The following GSAP variants were observed in gnomAD, a reference collection of about 807,000 sequenced individuals.
GSAP encodes gamma-secretase-activating protein.
In GSAP, 118 loss-of-function variants were observed where a neutral mutation model predicts 131.7. The observed-to-expected ratio is 0.90, with a 90% CI of 0.77 to 1.04. The LOEUF is 1.04. GSAP is among the 50% of genes least tolerant of loss of function. GSAP has a pLI of 0.00. For synonymous variants in GSAP, 381 were observed against 363.4 expected (o/e 1.05, Z -0.55); for missense variants, 1,019 against 1,013.2 (o/e 1.01, Z -0.08).
chr7:77,313,438 G>T (rs1268346951), intron 28 of GSAP, 50 bp downstream of exon 28: 2 of 894,934 alleles, frequency 2.2e-6, no homozygotes, highest in Non-Finnish European at 3.6e-6. Flanking sequence ...GAAATTGAAG[G>T]AGGGTAATGC....
intron 6 of GSAP, among the ~76,000 whole-genome samples, chr7:77,387,026 A>T (rs767728472): frequency 9.2e-5 from 14 of 152,244 alleles, no homozygotes; most frequent in Non-Finnish European, 1.5e-4. Context: ...AAATTCAGGG[A>T]TTAAGCCATT....
At chr7:77,366,060 C>G (rs200354655) in intron 12 of GSAP, among the ~76,000 whole-genome samples, 1 of 152,004 alleles carries the variant, frequency 6.6e-6, no homozygotes, top group African/African-American at 2.4e-5. Flanking sequence ...AGTATCTGTT[C>G]ATGTCCTTTG....
At chr7:77,376,663 G>C (rs530332155) in intron 10 of GSAP, among the ~76,000 whole-genome samples, 185 bp downstream of exon 10, 1 of 151,574 alleles carries the variant, frequency 6.6e-6, no homozygotes, top group South Asian at 2.1e-4. Context: ...TGTAGTCCTA[G>C]CTACTCAGGA....
rs1218643983 is a variant in GSAP, at chr7:77,313,482, TA to T, written c.2271+5del. 6.8e-7 allele frequency: 1 copy of T among 1,477,430 alleles called. No individual in the cohort carries two copies. Among genetic ancestry groups the T allele is most frequent in the South Asian group, 1.1e-5 (1 of 87,380 alleles). The allele number at this position is 1,477,430 out of a possible 1,614,324, so 91.5% of individuals were successfully genotyped here. A position where few individuals can be genotyped will look rare whatever the true frequency, so the allele number is the denominator to read the frequency against. ...AGGGAGAAAATAAAATGTAACTCAG[TA>T]TTACCGGAGGAAGCCGCACAATGAT... On this transcript the variant is annotated splice_donor_5th_base_variant and intron_variant, in intron 28 of 30. Transcript: ENST00000257626.
intron 19 of GSAP, among the ~76,000 whole-genome samples, chr7:77,332,779 G>T (rs1417808066): frequency 6.6e-6 from 1 of 152,058 alleles, no homozygotes; most frequent in Non-Finnish European, 1.5e-5. Context: ...GCCTAATATA[G>T]ATATTAGATA....
At chr7:77,366,140 T>C (rs1229384980) in intron 12 of GSAP, among the ~76,000 whole-genome samples, 1 of 152,142 alleles carries the variant, frequency 6.6e-6, no homozygotes, top group African/African-American at 2.4e-5. Context: ...TACTAGGCCT[T>C]TGTCAGATGC....
chr7:77,353,634 T>C lies in GSAP; in HGVS notation c.1346A>G (p.Gln449Arg), dbSNP rs1335705415. Residue 449 changes from glutamine (Q) to arginine (R), a missense_variant, in exon 17 of 31, where the codon CAG becomes CGG. Transcript: ENST00000257626. The part of the protein sequence containing the change: ...GAQFLEAQII[Q>R]WISENVSACH... ...GGCAGAGACATTCTCAGAAATCCAC[T>C]GAATAATCTTTAAAAAGTCAGACAG... 2.5e-6 allele frequency: 4 copies of C among 1,605,002 alleles called. No homozygotes were observed. The highest frequency in any genetic ancestry group is 3.4e-6 in the Non-Finnish European group (4 of 1,172,870).
chr7:77,416,342 G>A lies in GSAP; in HGVS notation c.-21C>T, dbSNP rs760623261. 11 of 1,436,752 alleles carry A rather than the reference G, an allele frequency of 7.7e-6. 2 individuals carry two copies. In the South Asian group the frequency reaches 1.3e-4, roughly 17 times the overall value. 89.0% of individuals were successfully genotyped at this position (1,436,752 alleles called of 1,614,324 possible). A position where few individuals can be genotyped will look rare whatever the true frequency, so the allele number is the denominator to read the frequency against. Reference sequence around the variant, plus strand: ...GCCATCGCCCGGACACGACCACCGGGCGGCTCTGGGGCCCCGCACCGCGGG... The same window carrying A: ...GCCATCGCCCGGACACGACCACCGGACGGCTCTGGGGCCCCGCACCGCGGG... On this transcript the variant is annotated 5_prime_UTR_variant, in exon 1 of 31. Transcript: ENST00000257626.
intron 5 of GSAP, among the ~76,000 whole-genome samples, chr7:77,389,040 G>A (rs539103996): frequency 6.6e-6 from 1 of 152,158 alleles, no homozygotes; most frequent in East Asian, 1.9e-4. Flanking sequence ...TCAAAAAATG[G>A]CTCCAGGAAT....
chr7:77,325,721 C>T (rs1008494195), intron 23 of GSAP, among the ~76,000 whole-genome samples: 14 of 152,166 alleles, frequency 9.2e-5, no homozygotes, highest in Non-Finnish European at 1.5e-4. Flanking sequence ...CAGGTGTGCA[C>T]CATCATGCCC....
chr7:77,407,576 C>T (rs539249324), intron 1 of GSAP, among the ~76,000 whole-genome samples: 3 of 152,116 alleles, frequency 2.0e-5, no homozygotes, highest in East Asian at 3.9e-4. Context: ...TATGTTTTTG[C>T]TATTCTTTTA....
chr7:77,389,783 C>A (rs1051194909), intron 5 of GSAP, among the ~76,000 whole-genome samples: 1 of 152,086 alleles, frequency 6.6e-6, no homozygotes, highest in African/African-American at 2.4e-5. Flanking sequence ...ATTTATAATC[C>A]TTTGGGTATA....
At chr7:77,319,972 ATATTTAACAATACTG>A (rs1381901879) in intron 26 of GSAP, among the ~76,000 whole-genome samples, 1 of 152,192 alleles carries the variant, frequency 6.6e-6, no homozygotes, top group Middle Eastern at 3.2e-3. Context: ...CATTGTACCT[ATATTTAACAATACTG>A]TATTGTGCAT....
chr7:77,331,893 A>G (rs944931406), intron 19 of GSAP: 68 of 45,620 alleles, frequency 1.5e-3, no homozygotes, highest in Admixed American at 5.5e-3. Flanking sequence ...ATTTAAGAAG[A>G]AAAAAAAAAA....
intron 19 of GSAP, among the ~76,000 whole-genome samples, chr7:77,346,281 A>AAAAAAAG (rs1344609094): frequency 6.6e-6 from 1 of 150,814 alleles, no homozygotes; most frequent in African/African-American, 2.4e-5. Flanking sequence ...AAAAAAAAAA[A>AAAAAAAG]AAAAAAAAAG....
In GSAP at chr7:77,329,256, T is replaced by A; in HGVS notation, c.1733+77A>T. The A allele has an allele frequency of 5.0e-6, 4 of 797,456 alleles. 1 individual carries two copies. The highest frequency in any genetic ancestry group is 5.3e-4 in the Middle Eastern group (2 of 3,808). 49.4% of individuals were successfully genotyped at this position (797,456 alleles called of 1,614,324 possible). The stretch of plus-strand genomic sequence containing the variant: ...ATGCAACAAAAGTAAACTACTTCTA[T>A]AAAAGGTAGCCAACAAAACAAAGTA... On this transcript the variant is annotated intron_variant, in intron 21 of 30. Coordinates refer to ENST00000257626, the MANE Select transcript of GSAP (RefSeq NM_017439.4).
chr7:77,361,771 C>G (rs1262276015), intron 13 of GSAP, among the ~76,000 whole-genome samples: 1 of 152,172 alleles, frequency 6.6e-6, no homozygotes, highest in Non-Finnish European at 1.5e-5. Flanking sequence ...CTACAGGGCA[C>G]ACTGTGATTG....
intron 5 of GSAP, among the ~76,000 whole-genome samples, chr7:77,389,050 TAAGA>T (rs1563094840): frequency 6.6e-6 from 1 of 152,060 alleles, no homozygotes; most frequent in Non-Finnish European, 1.5e-5. Context: ...GCTCCAGGAA[TAAGA>T]AAGACATTGG....
chr7:77,360,092 C>T (rs1338846933), intron 14 of GSAP, among the ~76,000 whole-genome samples: 2 of 152,170 alleles, frequency 1.3e-5, no homozygotes, highest in East Asian at 1.9e-4. Flanking sequence ...TGCATCATGA[C>T]AGTGGATGGA....
Sources: allele counts gnomAD v4.1 joint callset (sites outside exome capture counted in the v4.1 genomes callset), GRCh38; gene constraint gnomAD v4.1.1; transcripts MANE v1.5; gene names NCBI Gene and HGNC (gene_info 2026-07-23, HGNC 2026-07-21).